ADGRF1: variants seen among roughly 807,000 people sequenced by gnomAD.
ADGRF1 encodes adhesion G protein-coupled receptor F1.
ADGRF1 carries 85 observed loss-of-function variants against 87.2 expected under a neutral mutation model. That is an observed-to-expected ratio of 0.97 (90% CI 0.82 to 1.17). The LOEUF (loss-of-function observed/expected upper bound fraction) is 1.17, where lower values mean the gene tolerates loss of function less well. Among genes scored for constraint, ADGRF1 ranks in the 50% most tolerant of loss-of-function variants. ADGRF1 has a pLI of 0.00. For missense variants in ADGRF1, 1,169 were observed against 1,077.2 expected, an observed-to-expected ratio of 1.09 and a Z score of -1.19; for synonymous variants, 430 against 408.8, an observed-to-expected ratio of 1.05 and a Z score of -0.63.
At chr6:47,020,229 C>G (rs1366723440) in intron 7 of ADGRF1, 2 of 1,268,138 alleles carry the variant, frequency 1.6e-6, no homozygotes, top group African/African-American at 1.5e-5. Context: ...TGTGGTGGCT[C>G]ATGCCTGTAA....
intron 1 of ADGRF1, among the ~76,000 whole-genome samples, chr6:47,031,351 G>GTCTCTCTCTCTCTCTCTC (rs374462680): frequency 3.6e-5 from 4 of 110,776 alleles, no homozygotes; most frequent in South Asian, 3.4e-4. Flanking sequence ...CTCTCTCTCT[G>GTCTCTCTCTCTCTCTCTC]TCTCTCTCTC....
rs995966764 is a variant in ADGRF1, at chr6:47,005,938, G to T, written c.2533-62C>A. Reference sequence around the variant, plus strand: ...ATACAATCATACACAGACAAATCAAGAACAACTGCAGGTTGAAATGGTTAT... The same window carrying T: ...ATACAATCATACACAGACAAATCAATAACAACTGCAGGTTGAAATGGTTAT... On this transcript the variant is annotated intron_variant, in intron 12 of 14. Transcript: ENST00000371253. 7.5e-6 allele frequency: 8 copies of T among 1,062,530 alleles called. No individual in the cohort carries two copies. In the Admixed American group the frequency reaches 1.5e-4, roughly 20 times the overall value. The allele number at this position is 1,062,530 out of a possible 1,614,324, so 65.8% of individuals were successfully genotyped here.
chr6:47,025,862 G>A lies in ADGRF1; in HGVS notation c.269C>T (p.Ala90Val), dbSNP rs745350964. 1 of 1,589,182 alleles carries A rather than the reference G, an allele frequency of 6.3e-7. No homozygotes were observed. Among genetic ancestry groups the A allele is most frequent in the Non-Finnish European group, 8.6e-7 (1 of 1,164,368 alleles). The change falls in exon 4 of 15, where the codon GCT (alanine) becomes GTT (valine). Residue 90 changes from alanine to valine, a missense_variant. Ala to Val is a moderately conservative substitution (Grantham distance 64, BLOSUM62 0). Coordinates refer to ENST00000371253, the MANE Select transcript of ADGRF1 (RefSeq NM_153840.4). Reference sequence around the variant, plus strand: ...ACCGAGAGCCACCTTACCTGTGGTAGCCTTTGCTCTGATAATTCTAATTAG... The same window carrying A: ...ACCGAGAGCCACCTTACCTGTGGTAACCTTTGCTCTGATAATTCTAATTAG... Reference protein sequence around the residue: ...HGLIRIIRAKATTDCNSLNGV... With the variant: ...HGLIRIIRAKVTTDCNSLNGV...
In ADGRF1 at chr6:47,005,900, T is replaced by G. The variant is rs2113876831; in HGVS notation, c.2533-24A>C. 9 of 1,549,524 alleles carry G rather than the reference T, an allele frequency of 5.8e-6. No individual in the cohort carries two copies. The East Asian group carries it at 2.0e-4, about 35-fold the overall frequency. On this transcript the variant is annotated intron_variant, in intron 12 of 14. Transcript: ENST00000371253. ...AGCTATAAGGGCAACAAAGAAATAT[T>G]GAGGAGATACACATACAATCATACA...
chr6:47,012,079 C>T lies in ADGRF1; in HGVS notation c.1044G>A (p.Val348=), dbSNP rs1354236112. ...PSTTVGNLAS[V]VSILSNISSL... ...ATGAAATATTGCTCAGAATCGACAC[C>T]ACCGAAGCCAGATTCCCCACTGTGG... The change falls in exon 10 of 15, where the codon GTG becomes GTA. Residue 348 remains valine, a synonymous_variant. Transcript: ENST00000371253. 1 of 1,614,092 alleles carries T rather than the reference C, an allele frequency of 6.2e-7. No homozygotes were observed. The highest frequency in any genetic ancestry group is 1.7e-5 in the Admixed American group (1 of 60,014).
intron 5 of ADGRF1, among the ~76,000 whole-genome samples, chr6:47,023,296 T>C (rs1212978497): frequency 1.3e-5 from 2 of 152,230 alleles, no homozygotes; most frequent in African/African-American, 2.4e-5. Flanking sequence ...AAGTAATGTG[T>C]TGCCATAACC....
intron 14 of ADGRF1, 111 bp downstream of exon 14, chr6:47,001,390 C>A: frequency 1.2e-6 from 1 of 847,926 alleles, no homozygotes; most frequent in Non-Finnish European, 1.8e-6. Context: ...GGCTGATAAT[C>A]CCACACTTCT....
At chr6:47,032,164 C>T (rs1466595643) in intron 1 of ADGRF1, among the ~76,000 whole-genome samples, 2 of 152,096 alleles carry the variant, frequency 1.3e-5, no homozygotes, top group African/African-American at 2.4e-5. Flanking sequence ...ACTCCGCCCC[C>T]TCCTCCTTAA....
chr6:47,008,908 A>C, intron 11 of ADGRF1, 37 bp downstream of exon 11: 1 of 1,524,652 alleles, frequency 6.6e-7, no homozygotes, highest in Non-Finnish European at 8.8e-7. Flanking sequence ...TATTCCAATC[A>C]CTTGACAATA....
chr6:47,025,439 T>C (rs1226840263), intron 4 of ADGRF1, among the ~76,000 whole-genome samples: 2 of 152,242 alleles, frequency 1.3e-5, no homozygotes, highest in Admixed American at 6.5e-5. Flanking sequence ...TAATGTTGTT[T>C]GCCAAATATT....
At chr6:47,012,433 T>A (rs561595943) in intron 9 of ADGRF1, 1 of 676,664 alleles carries the variant, frequency 1.5e-6, no homozygotes, top group Admixed American at 4.6e-5. Flanking sequence ...GGAGGTACCA[T>A]TATTATTTTC....
At chr6:47,001,617 T>G (rs770918871) in intron 13 of ADGRF1, 50 bp from the exon 14 acceptor site, 1 of 1,439,224 alleles carries the variant, frequency 6.9e-7, no homozygotes, top group Non-Finnish European at 9.8e-7. Flanking sequence ...ATTCTTTTAC[T>G]GTTGGTCTGC....
Position 47,016,610 on chromosome 6 carries a change from G to T in ADGRF1, c.763+7C>A. ...AACCTAAGCAGAGGATGGGAATCCAGCATTACCTTTTCCGAACACTCTGAA... is the reference window on the plus strand; with the variant it reads ...AACCTAAGCAGAGGATGGGAATCCATCATTACCTTTTCCGAACACTCTGAA... On this transcript the variant is annotated splice_region_variant and intron_variant, in intron 8 of 14. Transcript: ENST00000371253. 6.3e-7 allele frequency: 1 copy of T among 1,593,246 alleles called. No homozygotes were observed. Among genetic ancestry groups the T allele is most frequent in the Non-Finnish European group, 8.6e-7 (1 of 1,165,222 alleles).
intron 13 of ADGRF1, 49 bp from the exon 14 acceptor site, chr6:47,001,616 C>T (rs762845684): frequency 1.4e-6 from 2 of 1,428,630 alleles, no homozygotes; most frequent in East Asian, 4.6e-5. Context: ...CATTCTTTTA[C>T]TGTTGGTCTG....
chr6:47,008,808 T>C (rs1779603572), intron 11 of ADGRF1, 137 bp downstream of exon 11: 3 of 719,296 alleles, frequency 4.2e-6, no homozygotes, highest in Non-Finnish European at 6.9e-6. Context: ...TTTCTATTTA[T>C]TGTTTCCATG....
intron 1 of ADGRF1, among the ~76,000 whole-genome samples, chr6:47,037,685 T>C (rs1381046656): frequency 2.6e-5 from 4 of 152,070 alleles, no homozygotes; most frequent in Non-Finnish European, 5.9e-5. Context: ...TTTTTTAATT[T>C]ATTTTTTTGC....
At chr6:47,033,073 T>A (rs1180754685) in intron 1 of ADGRF1, among the ~76,000 whole-genome samples, 2 of 152,208 alleles carry the variant, frequency 1.3e-5, no homozygotes, top group African/African-American at 2.4e-5. Context: ...ATTCTCAGAA[T>A]CCTTGTGTCC....
intron 8 of ADGRF1, among the ~76,000 whole-genome samples, chr6:47,016,003 G>T (rs1779863917): frequency 6.6e-6 from 1 of 152,108 alleles, no homozygotes; most frequent in East Asian, 1.9e-4. Flanking sequence ...CTCCCAAAGT[G>T]CTAGGATTAT....
chr6:47,027,907 G>A lies in ADGRF1; in HGVS notation c.70-146C>T, dbSNP rs1780290136. The A allele has an allele frequency of 1.4e-5, 9 of 637,372 alleles. No individual in the cohort carries two copies. In the Admixed American group the frequency reaches 2.3e-4, roughly 17 times the overall value. 39.5% of individuals were successfully genotyped at this position (637,372 alleles called of 1,614,324 possible). A position where few individuals can be genotyped will look rare whatever the true frequency, so the allele number is the denominator to read the frequency against. On this transcript the variant is annotated intron_variant, in intron 2 of 14. Coordinates refer to ENST00000371253, the MANE Select transcript of ADGRF1 (RefSeq NM_153840.4). ...AGAGGCGGCCAGGGAAGGCCTCACT[G>A]GAGCAACTTTTAAGCAAACACCTGA...
Sources: allele counts gnomAD v4.1 joint callset (sites outside exome capture counted in the v4.1 genomes callset), GRCh38; gene constraint gnomAD v4.1.1; transcripts MANE v1.5; gene names NCBI Gene and HGNC (gene_info 2026-07-23, HGNC 2026-07-21).